The following ZEB1 variants were observed in gnomAD, a reference collection of about 807,000 sequenced individuals.
The protein encoded by ZEB1 is zinc finger E-box-binding homeobox 1.
Under a neutral mutation model 84.9 loss-of-function variants are expected in ZEB1, and 21 were observed. That is an observed-to-expected ratio of 0.25 (90% confidence interval 0.18 to 0.36). The LOEUF (loss-of-function observed/expected upper bound fraction) is 0.36. Ranked by LOEUF, ZEB1 falls within the 10% of genes least tolerant of loss-of-function variation. The pLI is 1.00. For synonymous variants in ZEB1, 420 were observed against 471.1 expected, an observed-to-expected ratio of 0.89 and a Z score of 1.41; for missense variants, 1,104 against 1,330.2, an observed-to-expected ratio of 0.83 and a Z score of 2.65.
chr10:31,367,774 A>G lies in ZEB1; in HGVS notation c.58+48482A>G, dbSNP rs147063320. The stretch of plus-strand genomic sequence containing the variant: ...TGAAGTATCAATATGCTGACTCTAT[A>G]TAGGAATACTTCAACAACTAGACCT... On this transcript the variant is annotated intron_variant, in intron 1 of 8. Coordinates refer to ENST00000424869, the MANE Select transcript of ZEB1 (RefSeq NM_001174096.2). Among the ~76,000 whole-genome samples, 291 of 152,294 alleles carry G rather than the reference A, an allele frequency of 1.9e-3. 4 individuals carry two copies. The highest frequency in any genetic ancestry group is 0.017 in the Middle Eastern group (5 of 294).
chr10:31,340,597 T>G (rs1273310159), intron 1 of ZEB1, among the ~76,000 whole-genome samples: 1 of 152,222 alleles, frequency 6.6e-6, no homozygotes, highest in African/African-American at 2.4e-5. Context: ...CCTACCATGT[T>G]CTAGGCACTG....
chr10:31,436,409 A>G (rs956529688), intron 1 of ZEB1, among the ~76,000 whole-genome samples: 1 of 150,336 alleles, frequency 6.7e-6, no homozygotes, highest in African/African-American at 2.5e-5. Flanking sequence ...GTTTTTTTGT[A>G]AGGACTTTTT....
chr10:31,364,511 C>T (rs981551666), intron 1 of ZEB1, among the ~76,000 whole-genome samples: 28 of 152,172 alleles, frequency 1.8e-4, no homozygotes, highest in East Asian at 1.4e-3. Context: ...CAGGCTTCCC[C>T]GGGGCCTCTC....
intron 1 of ZEB1, among the ~76,000 whole-genome samples, chr10:31,434,247 G>C (rs908654736): frequency 2.0e-5 from 3 of 152,200 alleles, no homozygotes; most frequent in Non-Finnish European, 4.4e-5. Context: ...ATAAAGCACT[G>C]CTATGTGCTG....
intron 1 of ZEB1, among the ~76,000 whole-genome samples, chr10:31,456,674 A>G (rs1183729660): frequency 6.6e-6 from 1 of 152,102 alleles, no homozygotes; most frequent in East Asian, 1.9e-4. Context: ...TCAACTTAGT[A>G]GCTACATAAC....
intron 1 of ZEB1, chr10:31,321,519 T>G: frequency 3.1e-6 from 5 of 1,614,044 alleles, no homozygotes; most frequent in Non-Finnish European, 4.2e-6. Flanking sequence ...GTTGCTGATG[T>G]GGCTTTATGA....
At position 31,451,003 on chromosome 10, in the gene ZEB1, CT is replaced by C. The variant is rs772637040; in HGVS notation, c.59-10033del. Among the ~76,000 whole-genome samples, 117 of 152,068 alleles carry C rather than the reference CT, an allele frequency of 7.7e-4. 1 individual carries two copies. Among genetic ancestry groups the C allele is most frequent in the Admixed American group, 1.3e-3 (20 of 15,272 alleles). On this transcript the variant is annotated intron_variant, in intron 1 of 8. Transcript: ENST00000424869. ...GAATTCAGACTTTTCATTTTCCTCT[CT>C]CTTTAAAAAGTTACAAAATTATCAG...
At chr10:31,450,053 T>C (rs1386075103) in intron 1 of ZEB1, among the ~76,000 whole-genome samples, 2 of 152,224 alleles carry the variant, frequency 1.3e-5, no homozygotes, top group Non-Finnish European at 1.5e-5. Context: ...TACTTCTCTA[T>C]ATAAACTGTA....
intron 1 of ZEB1, among the ~76,000 whole-genome samples, chr10:31,336,402 A>T (rs2038066879): frequency 6.6e-6 from 1 of 152,170 alleles, no homozygotes; most frequent in Non-Finnish European, 1.5e-5. Flanking sequence ...TGGAAGGATT[A>T]TAGATCTAAA....
chr10:31,442,435 C>T (rs74584262), intron 1 of ZEB1, among the ~76,000 whole-genome samples: 7,831 of 151,970 alleles, frequency 0.052, 586 homozygotes, highest in East Asian at 0.18. Flanking sequence ...GGAGGGATAG[C>T]GTTAGGAGAT....
intron 1 of ZEB1, among the ~76,000 whole-genome samples, chr10:31,332,819 A>G (rs1209819621): frequency 1.3e-5 from 2 of 152,294 alleles, no homozygotes; most frequent in East Asian, 3.9e-4. Flanking sequence ...TTTTCTAAAC[A>G]TTTCACATGT....
Position 31,326,335 on chromosome 10 carries a change from A to G in ZEB1, c.58+7043A>G, listed in dbSNP as rs2035487394. On this transcript the variant is annotated intron_variant, in intron 1 of 8. Transcript: ENST00000424869. ...ATCTCTTTAACGTTTTCTCCTTTCT[A>G]CCCTAAAGTTAAGTTGCTATTTGCT... is the stretch of plus-strand genomic sequence containing the variant. 2.6e-5 allele frequency among the ~76,000 whole-genome samples: 4 copies of G among 152,238 alleles called. No individual in the cohort carries two copies. The South Asian group carries it at 8.3e-4, about 32-fold the overall frequency.
intron 1 of ZEB1, among the ~76,000 whole-genome samples, chr10:31,445,283 T>C (rs1320120588): frequency 6.7e-6 from 1 of 149,566 alleles, no homozygotes; most frequent in East Asian, 1.9e-4. Flanking sequence ...GAGACTTTGC[T>C]GAAGTTGCTT....
chr10:31,387,401 C>T (rs2048819699), intron 1 of ZEB1: 2 of 641,544 alleles, frequency 3.1e-6, no homozygotes, highest in South Asian at 1.4e-4. Context: ...GGTAGGACAT[C>T]ACACATTCAT....
intron 1 of ZEB1, among the ~76,000 whole-genome samples, chr10:31,385,327 G>GT (rs929193640): frequency 1.3e-5 from 2 of 152,050 alleles, no homozygotes; most frequent in African/African-American, 4.8e-5. Flanking sequence ...TATGTTTTGA[G>GT]TTTTAATTCT....
intron 2 of ZEB1, among the ~76,000 whole-genome samples, chr10:31,494,042 G>A (rs2066901781): frequency 2.6e-5 from 4 of 151,992 alleles, no homozygotes; most frequent in African/African-American, 9.7e-5. Context: ...TTACGAGGTA[G>A]TAACTCTGGC....
chr10:31,494,184 A>T (rs1245344889), intron 2 of ZEB1, among the ~76,000 whole-genome samples: 1 of 151,940 alleles, frequency 6.6e-6, no homozygotes, highest in Non-Finnish European at 1.5e-5. Flanking sequence ...TGAAGCGAGA[A>T]AAAGGGGGTG....
chr10:31,354,235 A>G (rs2133926106), intron 1 of ZEB1, among the ~76,000 whole-genome samples: 1 of 152,310 alleles, frequency 6.6e-6, no homozygotes, highest in South Asian at 2.1e-4. Context: ...CACTGACTTT[A>G]TAAGTGACTT....
chr10:31,502,404 G>A lies in ZEB1; in HGVS notation c.379G>A (p.Val127Ile). The A allele has an allele frequency of 6.2e-7, 1 of 1,613,882 alleles. No individual in the cohort carries two copies. Among genetic ancestry groups the A allele is most frequent in the South Asian group, 1.1e-5 (1 of 91,074 alleles). Residue 127 changes from valine (V) to isoleucine (I), a missense_variant, in exon 4 of 9, where the codon GTT (valine) becomes ATT (isoleucine). By Grantham distance (29) the Val-to-Ile change is conservative. Transcript: ENST00000424869. The stretch of plus-strand genomic sequence containing the variant: ...AAATGAGCAAAACCATGATCCTAAT[G>A]TTGAAGAGTTTCTACAACAACAAGA... The part of the protein sequence containing the change: ...AENEQNHDPN[V>I]EEFLQQQDTA...
Sources: allele counts gnomAD v4.1 joint callset (sites outside exome capture counted in the v4.1 genomes callset), GRCh38; gene constraint gnomAD v4.1.1; transcripts MANE v1.5; gene names NCBI Gene and HGNC (gene_info 2026-07-23, HGNC 2026-07-21).